GSG1L: variants seen among roughly 807,000 people sequenced by gnomAD.
GSG1L encodes germ cell-specific gene 1-like protein.
Under a neutral mutation model 42.1 loss-of-function variants are expected in GSG1L, and 24 were observed. The ratio of observed to expected loss-of-function variants is 0.57; its 90% confidence interval spans 0.41 to 0.80. The LOEUF is 0.80. Ranked by LOEUF, GSG1L falls within the 30% of genes least tolerant of loss-of-function variation. The probability of loss-of-function intolerance (pLI) is 0.00; values close to 1 mark genes in which losing one functional copy is unlikely to be tolerated. For synonymous variants in GSG1L, 215 were observed against 203.5 expected, an observed-to-expected ratio of 1.06 and a Z score of -0.48; for missense variants, 445 against 472.2, an observed-to-expected ratio of 0.94 and a Z score of 0.53.
Position 28,040,368 on chromosome 16 carries a change from A to G in GSG1L, c.349+22708T>C, listed in dbSNP as rs1421805608. Among the ~76,000 whole-genome samples the G allele has an allele frequency of 1.3e-5, 2 of 151,960 alleles. No individual in the cohort carries two copies. Among genetic ancestry groups the G allele is most frequent in the Non-Finnish European group, 2.9e-5 (2 of 67,990 alleles). ...CCTCTTCTCAATCACTCTCCATCCC[A>G]TCACTTCTCTTTTCTTTCACTGTAA... On this transcript the variant is annotated intron_variant, in intron 1 of 6. Transcript: ENST00000447459. This position sits in a 1 kb window ranked among gnomAD's most constrained non-coding sequence, Gnocchi z 4.1.
intron 1 of GSG1L, among the ~76,000 whole-genome samples, chr16:28,012,539 G>A (rs2085732728): frequency 6.6e-6 from 1 of 151,794 alleles, no homozygotes; most frequent in Non-Finnish European, 1.5e-5. Flanking sequence ...TCATCATAGA[G>A]CTTACAAACT....
intron 3 of GSG1L, among the ~76,000 whole-genome samples, chr16:27,845,425 A>G (rs992640338): frequency 1.3e-5 from 2 of 152,082 alleles, no homozygotes; most frequent in Non-Finnish European, 2.9e-5. Flanking sequence ...TGTAGAAATG[A>G]GCGTCTTGCT....
chr16:27,995,336 T>C (rs1358080332), intron 1 of GSG1L, among the ~76,000 whole-genome samples: 1 of 151,918 alleles, frequency 6.6e-6, no homozygotes, highest in African/African-American at 2.4e-5. Flanking sequence ...CAAGGAAGAA[T>C]AAAATAAGCC....
chr16:27,976,810 A>C (rs957246353), intron 1 of GSG1L, among the ~76,000 whole-genome samples: 5 of 152,174 alleles, frequency 3.3e-5, no homozygotes, highest in African/African-American at 1.2e-4. Context: ...CCCAGCCTTC[A>C]AGATCCAGCT....
At chr16:27,971,355 T>A (rs1223510185) in intron 1 of GSG1L, among the ~76,000 whole-genome samples, 1 of 152,210 alleles carries the variant, frequency 6.6e-6, no homozygotes, top group Non-Finnish European at 1.5e-5. Flanking sequence ...GAATATAGGT[T>A]TCATGCTTAT....
At chr16:27,821,821 G>A (rs990281040) in intron 5 of GSG1L, among the ~76,000 whole-genome samples, 5 of 152,090 alleles carry the variant, frequency 3.3e-5, no homozygotes, top group Non-Finnish European at 4.4e-5. Flanking sequence ...GGAGAACGGC[G>A]TGAACCCAGG....
intron 1 of GSG1L, among the ~76,000 whole-genome samples, chr16:28,020,260 C>G (rs1018087916): frequency 1.3e-5 from 2 of 152,122 alleles, no homozygotes; most frequent in Non-Finnish European, 2.9e-5. Flanking sequence ...TGCGGTGGCT[C>G]AAACAGTTCT....
rs528833776 is a variant in GSG1L at position 27,915,994 on chromosome 16, T to C, written c.398-31356A>G. Among the ~76,000 whole-genome samples, 16 of 152,288 alleles carry C rather than the reference T, an allele frequency of 1.1e-4. 1 individual carries two copies. Among genetic ancestry groups the C allele is most frequent in the African/African-American group, 3.9e-4 (16 of 41,552 alleles). On this transcript the variant is annotated intron_variant, in intron 2 of 6. Transcript: ENST00000447459. ...CCCTTTGCAGTGATACATCACTCCC[T>C]GGCTGCCATGACGGGCCACTAAAGG...
intron 2 of GSG1L, among the ~76,000 whole-genome samples, chr16:27,960,022 A>G (rs2085051172): frequency 6.6e-6 from 1 of 151,700 alleles, no homozygotes; most frequent in South Asian, 2.1e-4. Flanking sequence ...GCCAGGAGGG[A>G]GAGGGTAGGT....
At position 27,884,865 on chromosome 16, in the gene GSG1L, G is replaced by T. The variant is rs917976811; in HGVS notation, c.398-227C>A. ...GCATTCTCTGGATCCTATTACTGGG[G>T]AAGAACTTTTATCCTGTGGCTGGAC... On this transcript the variant is annotated intron_variant, in intron 2 of 6. Coordinates refer to ENST00000447459, the MANE Select transcript of GSG1L (RefSeq NM_001109763.2). This position sits in a 1 kb window ranked among gnomAD's most constrained non-coding sequence, Gnocchi z 4.4. Among the ~76,000 whole-genome samples, 3 of 152,162 alleles carry T rather than the reference G, an allele frequency of 2.0e-5. No individual in the cohort carries two copies. The highest frequency in any genetic ancestry group is 7.2e-5 in the African/African-American group (3 of 41,432).
chr16:27,980,901 C>CAAAAAAAAAAA (rs11390148), intron 1 of GSG1L, among the ~76,000 whole-genome samples: 25 of 127,006 alleles, frequency 2.0e-4, no homozygotes, highest in African/African-American at 3.2e-4. Flanking sequence ...AACCAAAAAA[C>CAAAAAAAAAAA]AAAAAAAAAA....
At chr16:27,915,830 C>T (rs1031420391) in intron 2 of GSG1L, among the ~76,000 whole-genome samples, 6 of 152,058 alleles carry the variant, frequency 3.9e-5, no homozygotes, top group Admixed American at 6.6e-5. Flanking sequence ...TGTCAGGTAG[C>T]GGCAGCCACA....
At chr16:27,837,858 T>C (rs1019266986) in intron 4 of GSG1L, among the ~76,000 whole-genome samples, 11 of 152,116 alleles carry the variant, frequency 7.2e-5, no homozygotes, top group Non-Finnish European at 1.6e-4. Flanking sequence ...TGGGCCTTTT[T>C]TTTTTTTTCT....
At chr16:27,868,594 T>TAA (rs35102160) in intron 3 of GSG1L, among the ~76,000 whole-genome samples, 13,771 of 145,384 alleles carry the variant, frequency 0.095, 629 homozygotes, top group African/African-American at 0.11. Flanking sequence ...GCAAGAGCTG[T>TAA]AAAAAAAAAA....
chr16:27,985,957 G>A (rs2085376769), intron 1 of GSG1L, among the ~76,000 whole-genome samples: 1 of 152,112 alleles, frequency 6.6e-6, no homozygotes, highest in South Asian at 2.1e-4. Flanking sequence ...TCCTTGTGGG[G>A]TTCCAAGAGT....
chr16:27,811,651 C>T (rs967358045), intron 5 of GSG1L, among the ~76,000 whole-genome samples: 2 of 152,092 alleles, frequency 1.3e-5, no homozygotes, highest in African/African-American at 2.4e-5. Flanking sequence ...GGTTTCTTTT[C>T]GTTGTTGTTG....
intron 1 of GSG1L, among the ~76,000 whole-genome samples, chr16:28,004,806 A>G (rs1482147330): frequency 6.6e-6 from 1 of 151,152 alleles, no homozygotes; most frequent in Non-Finnish European, 1.5e-5. Context: ...AAAGATAGAG[A>G]AAAAAAAATC....
In GSG1L at chr16:27,870,394, TCTCC is replaced by T. The variant is rs375483484; in HGVS notation, c.550+14088_550+14091del. 9.3e-5 allele frequency among the ~76,000 whole-genome samples: 14 copies of T among 150,876 alleles called. 1 individual carries two copies. The highest frequency in any genetic ancestry group is 6.6e-4 in the Admixed American group (10 of 15,216). On this transcript the variant is annotated intron_variant, in intron 3 of 6. Transcript: ENST00000447459. Reference sequence around the variant, plus strand: ...ATCACTCTCTCTTTCTCTCTCTCTGTCTCCCTCCATCTCTCTCTCCTTCTCTCTC... The same window carrying T: ...ATCACTCTCTCTTTCTCTCTCTCTGTCTCCATCTCTCTCTCCTTCTCTCTC...
intron 1 of GSG1L, among the ~76,000 whole-genome samples, chr16:28,008,961 A>G (rs904745183): frequency 1.3e-5 from 2 of 152,202 alleles, no homozygotes; most frequent in Non-Finnish European, 2.9e-5. Flanking sequence ...GTTACCCGCC[A>G]CCACGCCTGG....
Sources: gnomAD v4.1 joint callset for allele counts (sites outside exome capture counted in the v4.1 genomes callset) on GRCh38, gnomAD v4.1.1 for gene constraint, Gnocchi (gnomAD v3.1) non-coding constraint, MANE v1.5 for transcripts, NCBI Gene and HGNC (gene_info 2026-07-23, HGNC 2026-07-21) for gene names.